NCKAP5: variants seen among roughly 807,000 people sequenced by gnomAD.
NCKAP5 encodes nck-associated protein 5.
A neutral mutation model predicts 167.0 loss-of-function variants in NCKAP5; 92 were observed. The ratio of observed to expected loss-of-function variants is 0.55; its 90% CI spans 0.47 to 0.66. The LOEUF (loss-of-function observed/expected upper bound fraction) is 0.66, where lower values mean the gene tolerates loss of function less well. NCKAP5 is among the 30% of genes least tolerant of loss of function. The pLI is 0.00. For missense variants in NCKAP5, 2,378 were observed against 2,315.0 expected (o/e 1.03, Z -0.56); for synonymous variants, 891 against 877.4 (o/e 1.02, Z -0.27).
the NCKAP5 span, among the ~76,000 whole-genome samples, chr2:133,602,971 CA>C: frequency 2.6e-5 from 4 of 152,132 alleles, no homozygotes; most frequent in African/African-American, 9.7e-5. Context: ...CACTGGGTAG[CA>C]GGGGTGTAAG....
At chr2:133,032,158 G>T (rs115923404) in intron 6 of NCKAP5, among the ~76,000 whole-genome samples, 2,996 of 152,234 alleles carry the variant, frequency 0.02, 91 homozygotes, top group African/African-American at 0.068. Context: ...AAAGCACCAA[G>T]CAGGCTCTTG....
chr2:132,838,395 G>T (rs1299416397), intron 11 of NCKAP5, among the ~76,000 whole-genome samples: 1 of 152,184 alleles, frequency 6.6e-6, no homozygotes, highest in African/African-American at 2.4e-5. Flanking sequence ...ACTTTGGGAG[G>T]CCGAGGTGGG....
intron 8 of NCKAP5, among the ~76,000 whole-genome samples, chr2:132,895,828 AAAAAAC>A (rs1693148506): frequency 1.4e-5 from 2 of 147,094 alleles, no homozygotes; most frequent in Admixed American, 1.3e-4. Context: ...AAAAAAAAAA[AAAAAAC>A]AAAAAAAAAA....
intron 7 of NCKAP5, among the ~76,000 whole-genome samples, chr2:132,990,284 G>T (rs72994897): frequency 6.6e-6 from 1 of 152,124 alleles, no homozygotes; most frequent in Non-Finnish European, 1.5e-5. Context: ...CTTCTATTAC[G>T]TTGTTGAATA....
Position 132,766,478 on chromosome 2 carries a change from C to T in NCKAP5, c.5128+7338G>A, listed in dbSNP as rs1379522749. 3.3e-5 allele frequency among the ~76,000 whole-genome samples: 5 copies of T among 152,090 alleles called. No homozygotes were observed. The South Asian group carries it at 6.2e-4, about 19-fold the overall frequency. On this transcript the variant is annotated intron_variant, in intron 16 of 19. Transcript: ENST00000409261. ...ACAGTTTCTTCTAGTCCCATCTGAA[C>T]CTTATTCTACTGGTAGTAATGGTTA...
At chr2:133,279,299 A>C (rs1371828396) in intron 4 of NCKAP5, among the ~76,000 whole-genome samples, 1 of 152,146 alleles carries the variant, frequency 6.6e-6, no homozygotes, top group Non-Finnish European at 1.5e-5. Flanking sequence ...TCCCTATTTT[A>C]TGGCTTATCC....
Position 132,783,855 on chromosome 2 carries a change from G to C in NCKAP5, c.2956C>G (p.Pro986Ala), listed in dbSNP as rs1683292815. The C allele has an allele frequency of 3.3e-6, 5 of 1,530,876 alleles. No homozygotes were observed. Among genetic ancestry groups the C allele is most frequent in the Non-Finnish European group, 4.4e-6 (5 of 1,141,198 alleles). The allele number at this position is 1,530,876 out of a possible 1,614,324, so 94.8% of individuals were successfully genotyped here. Residue 986 changes from proline to alanine, a missense_variant, in exon 14 of 20, where the codon CCG becomes GCG. Physicochemically the swap from Pro to Ala is conservative, Grantham distance 27. Coordinates refer to ENST00000409261, the MANE Select transcript of NCKAP5 (RefSeq NM_207363.3). Reference protein sequence around the residue: ...GISAPVISSNPATTEVQRKKP... With the variant: ...GISAPVISSNAATTEVQRKKP... ...TTCCTCTGCACTTCTGTCGTGGCCG[G>C]ATTAGAAGAAATAACTGGAGCAGAA...
intron 6 of NCKAP5, among the ~76,000 whole-genome samples, chr2:133,084,134 G>A (rs755293402): frequency 1.3e-5 from 2 of 152,078 alleles, no homozygotes; most frequent in Non-Finnish European, 2.9e-5. Context: ...GTGTTTTGGA[G>A]AACTCACACA....
At chr2:132,980,889 G>A (rs960602896) in intron 7 of NCKAP5, among the ~76,000 whole-genome samples, 1 of 152,186 alleles carries the variant, frequency 6.6e-6, no homozygotes, top group African/African-American at 2.4e-5. Flanking sequence ...TTAAGGGTAT[G>A]TTTATAAATT....
At chr2:132,974,359 T>TA (rs1404171102) in intron 7 of NCKAP5, among the ~76,000 whole-genome samples, 1 of 152,194 alleles carries the variant, frequency 6.6e-6, no homozygotes, top group East Asian at 1.9e-4. Flanking sequence ...TAAAATGAAA[T>TA]ATGCTCTTTC....
chr2:133,140,304 C>T (rs1435393455), intron 5 of NCKAP5, among the ~76,000 whole-genome samples: 1 of 152,134 alleles, frequency 6.6e-6, no homozygotes, highest in Non-Finnish European at 1.5e-5. Context: ...CTTTTGCTTC[C>T]AGTTCTGTAC....
At chr2:133,121,723 C>T (rs538037962) in intron 6 of NCKAP5, among the ~76,000 whole-genome samples, 1 of 151,938 alleles carries the variant, frequency 6.6e-6, no homozygotes, top group East Asian at 2.0e-4. Flanking sequence ...CTATATGGCT[C>T]TGTGGTCCCA....
intron 6 of NCKAP5, among the ~76,000 whole-genome samples, chr2:133,087,127 G>T (rs2081019291): frequency 6.6e-6 from 1 of 152,182 alleles, no homozygotes; most frequent in East Asian, 1.9e-4. Flanking sequence ...TATCTGATTT[G>T]GTTTTCCTTC....
chr2:133,235,289 A>G (rs1488653917), intron 4 of NCKAP5, among the ~76,000 whole-genome samples: 1 of 151,994 alleles, frequency 6.6e-6, no homozygotes, highest in East Asian at 1.9e-4. Context: ...CACATTCCAA[A>G]CTGAGGTCAC....
chr2:133,470,690 C>T (rs1258710105), intron 3 of NCKAP5, among the ~76,000 whole-genome samples: 1 of 152,246 alleles, frequency 6.6e-6, no homozygotes, highest in African/African-American at 2.4e-5. Flanking sequence ...CCCTCCAAGC[C>T]AGGTGCAGGA....
chr2:133,195,636 A>G (rs1373266783), intron 5 of NCKAP5, among the ~76,000 whole-genome samples: 1 of 152,194 alleles, frequency 6.6e-6, no homozygotes, highest in Non-Finnish European at 1.5e-5. Flanking sequence ...CTTGAAAAGC[A>G]GCCTTATTAT....
intron 3 of NCKAP5, among the ~76,000 whole-genome samples, chr2:133,478,910 C>T (rs755292359): frequency 1.3e-5 from 2 of 151,842 alleles, no homozygotes; most frequent in Admixed American, 6.6e-5. Flanking sequence ...GCACTAGATC[C>T]GCCCAATTGT....
intron 3 of NCKAP5, among the ~76,000 whole-genome samples, chr2:133,442,766 A>G (rs1690938936): frequency 1.3e-5 from 2 of 152,214 alleles, no homozygotes; most frequent in Admixed American, 1.3e-4. Context: ...TAAAGGGGCT[A>G]ATATCCAGCC....
intron 4 of NCKAP5, among the ~76,000 whole-genome samples, chr2:133,276,343 G>A (rs2089730247): frequency 6.6e-6 from 1 of 151,972 alleles, no homozygotes; most frequent in Non-Finnish European, 1.5e-5. Flanking sequence ...CTCTTCAGGG[G>A]TCAGCACCCC....
Sources: allele counts gnomAD v4.1 joint callset (sites outside exome capture counted in the v4.1 genomes callset), GRCh38; gene constraint gnomAD v4.1.1; transcripts MANE v1.5; gene names NCBI Gene and HGNC (gene_info 2026-07-23, HGNC 2026-07-21).